SETD5: variants seen among roughly 807,000 people sequenced by gnomAD.
SETD5 encodes histone-lysine N-methyltransferase SETD5.
A neutral mutation model predicts 153.3 loss-of-function variants in SETD5; 44 were observed. That is an observed-to-expected ratio of 0.29 (90% CI 0.23 to 0.37). The LOEUF is 0.37. Among genes scored for constraint, SETD5 ranks in the 10% least tolerant of loss-of-function variants. The probability of loss-of-function intolerance (pLI) is 1.00; values close to 1 mark genes in which losing one functional copy is unlikely to be tolerated. For synonymous variants in SETD5, 716 were observed against 645.2 expected (o/e 1.11, Z -1.66); for missense variants, 1,544 against 1,768.0 (o/e 0.87, Z 2.27).
intron 3 of SETD5, chr3:9,432,325 G>A (rs1185820196): frequency 8.1e-6 from 8 of 984,014 alleles, no homozygotes; most frequent in Non-Finnish European, 8.4e-6. Context: ...ATATAACTGG[G>A]TGAGTTGGAT....
At chr3:9,454,622 C>CAAAAAAAAAAAAAAA (rs67028533) in intron 17 of SETD5, among the ~76,000 whole-genome samples, 38 of 58,036 alleles carry the variant, frequency 6.5e-4, no homozygotes, top group South Asian at 2.5e-3. Flanking sequence ...AACTCCGTCT[C>CAAAAAAAAAAAAAAA]AAAAAAAAAA....
intron 6 of SETD5, among the ~76,000 whole-genome samples, 175 bp downstream of exon 6, chr3:9,435,057 C>T (rs1218989262): frequency 1.3e-5 from 2 of 152,016 alleles, no homozygotes; most frequent in African/African-American, 4.8e-5. Flanking sequence ...CCAGCCTGAC[C>T]AACATGGAGA....
chr3:9,426,306 C>T (rs1370105632), intron 2 of SETD5: 1 of 137,148 alleles, frequency 7.3e-6, no homozygotes, highest in African/African-American at 2.7e-5. Context: ...ATGATCTCAG[C>T]TCACTGCAAC....
rs1446916896 is a variant in SETD5 at position 9,470,818 on chromosome 3, A to G, written c.3084A>G (p.Arg1028=). The change falls in exon 19 of 23, where the codon AGA becomes AGG. Residue 1028 remains arginine (R), a synonymous_variant. Transcript: ENST00000402198. ...YCSPAEGFSS[R]YEHGLMKDLS... is the part of the protein sequence containing the mutation. ...CCCCTGCAGAAGGATTTTCCAGCAGATATGAACATGGCTTAATGAAAGACC... is the reference window on the plus strand; with the variant it reads ...CCCCTGCAGAAGGATTTTCCAGCAGGTATGAACATGGCTTAATGAAAGACC... 1.4e-5 allele frequency: 22 copies of G among 1,613,394 alleles called. No individual in the cohort carries two copies. Among genetic ancestry groups the G allele is most frequent in the Non-Finnish European group, 1.9e-5 (22 of 1,179,654 alleles).
chr3:9,408,230 G>C (rs2036029444), intron 1 of SETD5, among the ~76,000 whole-genome samples: 1 of 152,108 alleles, frequency 6.6e-6, no homozygotes, highest in African/African-American at 2.4e-5. Flanking sequence ...TTCTTATTCT[G>C]GAGTCTCCTG....
chr3:9,400,375 A>G (rs1057367646), intron 1 of SETD5, among the ~76,000 whole-genome samples: 1 of 152,224 alleles, frequency 6.6e-6, no homozygotes, highest in African/African-American at 2.4e-5. Context: ...TGATAACCAC[A>G]ATAGGAAGAA....
At chr3:9,463,508 A>G (rs1442181967) in intron 17 of SETD5, among the ~76,000 whole-genome samples, 1 of 152,216 alleles carries the variant, frequency 6.6e-6, no homozygotes, top group Non-Finnish European at 1.5e-5. Context: ...ATGGTCACTA[A>G]AATATTTAGT....
At chr3:9,474,885 A>G in intron 21 of SETD5, 183 bp from the exon 22 acceptor site, 3 of 630,952 alleles carry the variant, frequency 4.8e-6, no homozygotes, top group Non-Finnish European at 8.2e-6. Flanking sequence ...CACATCAGGC[A>G]TTTAGAACAT....
At chr3:9,455,807 A>G (rs1203269284) in intron 17 of SETD5, among the ~76,000 whole-genome samples, 1 of 152,176 alleles carries the variant, frequency 6.6e-6, no homozygotes, top group African/African-American at 2.4e-5. Flanking sequence ...GGATTATAGG[A>G]AAAGTGTCTT....
At chr3:9,418,425 G>T (rs372755405) in intron 1 of SETD5, among the ~76,000 whole-genome samples, 1 of 152,166 alleles carries the variant, frequency 6.6e-6, no homozygotes, top group African/African-American at 2.4e-5. Flanking sequence ...AAGTACTTTG[G>T]TTCTGAATAT....
intron 18 of SETD5, among the ~76,000 whole-genome samples, chr3:9,467,783 C>G (rs1487615920): frequency 6.6e-6 from 1 of 152,064 alleles, no homozygotes; most frequent in Non-Finnish European, 1.5e-5. Context: ...CTGAAAGTCC[C>G]AAGGTAAAGT....
At position 9,434,809 on chromosome 3, in the gene SETD5, A is replaced by C; in HGVS notation, c.330-15A>C. On this transcript the variant is annotated splice_polypyrimidine_tract_variant and intron_variant, in intron 5 of 22. Transcript: ENST00000402198. This position sits in a 1 kb window ranked among gnomAD's most constrained non-coding sequence, Gnocchi z 5.6. ...CTGTTGGAAGGACTACTTTAAGTTTATTTTCCCTCTTTAGGGGAATGAGCA... is the reference window on the plus strand; with the variant it reads ...CTGTTGGAAGGACTACTTTAAGTTTCTTTTCCCTCTTTAGGGGAATGAGCA... 1 of 1,610,082 alleles carries C rather than the reference A, an allele frequency of 6.2e-7. No individual in the cohort carries two copies. Among genetic ancestry groups the C allele is most frequent in the South Asian group, 1.1e-5 (1 of 89,938 alleles).
intron 18 of SETD5, among the ~76,000 whole-genome samples, chr3:9,468,217 A>G (rs528765888): frequency 2.6e-5 from 4 of 152,032 alleles, no homozygotes; most frequent in African/African-American, 9.7e-5. Flanking sequence ...GACGTATAAC[A>G]CTAAAATTTC....
intron 1 of SETD5, among the ~76,000 whole-genome samples, chr3:9,412,067 A>G (rs1485861198): frequency 6.6e-6 from 1 of 152,160 alleles, no homozygotes; most frequent in Non-Finnish European, 1.5e-5. Flanking sequence ...GTGTATGCTG[A>G]CCAGAGTCAC....
chr3:9,472,752 C>T (rs529962417), intron 19 of SETD5, among the ~76,000 whole-genome samples: 129 of 151,456 alleles, frequency 8.5e-4, no homozygotes, highest in African/African-American at 3.0e-3. Flanking sequence ...TCTCCTTCTC[C>T]TCTCCCTGCT....
intron 1 of SETD5, among the ~76,000 whole-genome samples, chr3:9,401,158 A>G (rs995378056): frequency 6.6e-6 from 1 of 152,256 alleles, no homozygotes; most frequent in African/African-American, 2.4e-5. Flanking sequence ...TAATAAAAGC[A>G]GACCAATGAA....
intron 20 of SETD5, 62 bp from the exon 21 acceptor site, chr3:9,474,387 T>C: frequency 6.3e-7 from 1 of 1,587,750 alleles, no homozygotes; most frequent in South Asian, 1.1e-5. Context: ...GTGCACTGGT[T>C]AGGGCTTCAT....
intron 17 of SETD5, among the ~76,000 whole-genome samples, chr3:9,463,844 AAG>A (rs1157075291): frequency 6.6e-6 from 1 of 152,220 alleles, no homozygotes; most frequent in Admixed American, 6.5e-5. Context: ...ATGTAAAAGA[AAG>A]AACTGTAGCA....
intron 14 of SETD5, 57 bp from the exon 15 acceptor site, chr3:9,447,629 T>C (rs1266867980): frequency 6.5e-7 from 1 of 1,548,290 alleles, no homozygotes; most frequent in Non-Finnish European, 8.8e-7. Flanking sequence ...AATAGGAAAT[T>C]AGACTGTTTG....
Sources: allele counts gnomAD v4.1 joint callset (sites outside exome capture counted in the v4.1 genomes callset), GRCh38; gene constraint gnomAD v4.1.1; non-coding constraint Gnocchi (gnomAD v3.1); transcripts MANE v1.5; gene names NCBI Gene and HGNC (gene_info 2026-07-23, HGNC 2026-07-21).